SOAT1: variants seen among roughly 807,000 people sequenced by gnomAD.
SOAT1 encodes sterol O-acyltransferase 1.
SOAT1 carries 55 observed loss-of-function variants against 69.5 expected under a neutral mutation model. That is an observed-to-expected ratio of 0.79 (90% CI 0.64 to 0.99). SOAT1 has a LOEUF of 0.99. SOAT1 is among the 50% of genes least tolerant of loss of function. The pLI is 0.00. For synonymous variants in SOAT1, 231 were observed against 224.7 expected, an observed-to-expected ratio of 1.03 and a Z score of -0.25; for missense variants, 580 against 669.3, an observed-to-expected ratio of 0.87 and a Z score of 1.47.
chr1:179,298,397 C>T (rs1664726275), intron 1 of SOAT1, among the ~76,000 whole-genome samples: 1 of 152,060 alleles, frequency 6.6e-6, no homozygotes, highest in South Asian at 2.1e-4. Flanking sequence ...CCTGTTTTAG[C>T]TTTTGATGTA....
chr1:179,309,866 AAT>A (rs1002885208), intron 2 of SOAT1, among the ~76,000 whole-genome samples: 1 of 5,422 alleles, frequency 1.8e-4, no homozygotes, highest in Non-Finnish European at 2.1e-3. Flanking sequence ...TAATTGTTAT[AAT>A]TTTTTTTTTG....
intron 2 of SOAT1, among the ~76,000 whole-genome samples, chr1:179,313,815 C>A (rs1324612956): frequency 7.2e-5 from 11 of 152,114 alleles, no homozygotes; most frequent in Non-Finnish European, 1.6e-4. Context: ...AACTCCTGAC[C>A]TCCGGTGATC....
At chr1:179,342,682 G>A (rs1666382348) in intron 8 of SOAT1, among the ~76,000 whole-genome samples, 180 bp from the exon 9 acceptor site, 1 of 152,176 alleles carries the variant, frequency 6.6e-6, no homozygotes, top group Non-Finnish European at 1.5e-5. Flanking sequence ...TTGGTTTAAA[G>A]AGATTGGTAA....
intron 1 of SOAT1, among the ~76,000 whole-genome samples, chr1:179,302,136 C>A (rs1664851919): frequency 6.6e-6 from 1 of 151,876 alleles, no homozygotes; most frequent in South Asian, 2.1e-4. Flanking sequence ...TTTTATAGGA[C>A]CTGATTTCTT....
At chr1:179,349,329 CTTTTTTTTT>C (rs10670085) in intron 13 of SOAT1, among the ~76,000 whole-genome samples, 2 of 125,896 alleles carry the variant, frequency 1.6e-5, no homozygotes, top group African/African-American at 6.3e-5. Flanking sequence ...TAGAGAAACA[CTTTTTTTTT>C]TTTTTTTTGA....
At chr1:179,313,830 T>C (rs1179251425) in intron 2 of SOAT1, among the ~76,000 whole-genome samples, 3 of 152,160 alleles carry the variant, frequency 2.0e-5, no homozygotes, top group Non-Finnish European at 4.4e-5. Flanking sequence ...GTGATCTGCC[T>C]GCCTCGGCCT....
At chr1:179,340,695 A>G (rs1266419651) in intron 6 of SOAT1, among the ~76,000 whole-genome samples, 1 of 152,136 alleles carries the variant, frequency 6.6e-6, no homozygotes, top group Non-Finnish European at 1.5e-5. Flanking sequence ...TTACAGTTAG[A>G]AAATTAATGT....
intron 11 of SOAT1, among the ~76,000 whole-genome samples, chr1:179,347,299 A>G (rs1468334623): frequency 6.9e-6 from 1 of 145,238 alleles, no homozygotes; most frequent in African/African-American, 2.6e-5. Context: ...CAGAGGTTGC[A>G]GTGAGCCGAG....
At chr1:179,301,656 C>T (rs1165571684) in intron 1 of SOAT1, among the ~76,000 whole-genome samples, 1 of 152,138 alleles carries the variant, frequency 6.6e-6, no homozygotes, top group African/African-American at 2.4e-5. Flanking sequence ...ATTGTTTTCT[C>T]ATGTGAAAAC....
chr1:179,334,258 A>T (rs2124981121), intron 3 of SOAT1, among the ~76,000 whole-genome samples: 1 of 152,278 alleles, frequency 6.6e-6, no homozygotes, highest in African/African-American at 2.4e-5. Context: ...ATGTAAAATT[A>T]TGTTACGTTT....
chr1:179,351,331 A>G lies in SOAT1; in HGVS notation c.1465A>G (p.Ile489Val), dbSNP rs138504513. 13 of 1,613,700 alleles carry G rather than the reference A, an allele frequency of 8.1e-6. No individual in the cohort carries two copies. Among genetic ancestry groups the G allele is most frequent in the Middle Eastern group, 1.6e-4 (1 of 6,084 alleles). The change falls in exon 15 of 16, where the codon ATT (isoleucine) becomes GTT (valine). Residue 489 changes from isoleucine to valine, a missense_variant. Coordinates refer to ENST00000367619, the MANE Select transcript of SOAT1 (RefSeq NM_003101.6). ...CCTATTTTTAGTGGCTTTCAACTTC[A>G]TTGTCAATGATAGTCGGAAAAAGCC... ...FMFFGMAFNFIVNDSRKKPIW... is the reference protein window; with the variant it reads ...FMFFGMAFNFVVNDSRKKPIW...
chr1:179,311,524 G>C (rs575300512), intron 2 of SOAT1, among the ~76,000 whole-genome samples: 1 of 152,140 alleles, frequency 6.6e-6, no homozygotes, highest in Non-Finnish European at 1.5e-5. Flanking sequence ...TTTTATATTA[G>C]AAGGAAAAGT....
At chr1:179,319,874 C>A (rs1186995436) in intron 2 of SOAT1, among the ~76,000 whole-genome samples, 1 of 152,172 alleles carries the variant, frequency 6.6e-6, no homozygotes, top group Non-Finnish European at 1.5e-5. Flanking sequence ...CCTTGGCCTC[C>A]CAAAGTGCTA....
At chr1:179,347,458 A>T in intron 11 of SOAT1, 142 bp from the exon 12 acceptor site, 1 of 550,266 alleles carries the variant, frequency 1.8e-6, no homozygotes, top group South Asian at 2.4e-5. Flanking sequence ...CCAAAAGTAT[A>T]TCATCTCTGG....
At chr1:179,340,959 A>G in intron 6 of SOAT1, 69 bp from the exon 7 acceptor site, 1 of 1,456,868 alleles carries the variant, frequency 6.9e-7, no homozygotes, top group Non-Finnish European at 9.3e-7. Flanking sequence ...TGAAACTTTT[A>G]AATTCTGTGA....
At chr1:179,335,427 A>C (rs1285967179) in intron 3 of SOAT1, 79 bp from the exon 4 acceptor site, 1 of 1,268,582 alleles carries the variant, frequency 7.9e-7, no homozygotes, top group Admixed American at 2.3e-5. Flanking sequence ...GCTCTGTTTA[A>C]GGGAGCCCTT....
chr1:179,322,722 G>T (rs1215813949), intron 2 of SOAT1, among the ~76,000 whole-genome samples: 3 of 152,126 alleles, frequency 2.0e-5, no homozygotes, highest in Non-Finnish European at 2.9e-5. Flanking sequence ...TAGTGAGGGG[G>T]TTATGATTTC....
At chr1:179,294,809 A>G (rs536551304) in intron 1 of SOAT1, among the ~76,000 whole-genome samples, 1 of 152,372 alleles carries the variant, frequency 6.6e-6, no homozygotes, top group African/African-American at 2.4e-5. Context: ...CTGGGATTAC[A>G]GGCGTGAGCC....
intron 3 of SOAT1, among the ~76,000 whole-genome samples, chr1:179,330,625 T>C (rs993179916): frequency 5.3e-5 from 8 of 152,242 alleles, no homozygotes; most frequent in African/African-American, 1.9e-4. Context: ...CAGAGTTAGA[T>C]TGGCCTCTGC....
Sources: allele counts gnomAD v4.1 joint callset (sites outside exome capture counted in the v4.1 genomes callset), GRCh38; gene constraint gnomAD v4.1.1; transcripts MANE v1.5; gene names NCBI Gene and HGNC (gene_info 2026-07-23, HGNC 2026-07-21).